The following CDH2 variants were observed in gnomAD, a reference collection of about 807,000 sequenced individuals.
The protein encoded by CDH2 is cadherin 2, also known as cadherin-2.
Under a neutral mutation model 92.0 loss-of-function variants are expected in CDH2, and 17 were observed. The ratio of observed to expected loss-of-function variants is 0.18; its 90% CI spans 0.13 to 0.28. The LOEUF is 0.28. Ranked by LOEUF, CDH2 falls within the 10% of genes least tolerant of loss-of-function variation. The pLI, the probability that CDH2 is intolerant of heterozygous loss-of-function variation, is 1.00. For missense variants in CDH2, 862 were observed against 1,133.1 expected, an observed-to-expected ratio of 0.76 and a Z score of 3.44; for synonymous variants, 419 against 415.9, an observed-to-expected ratio of 1.01 and a Z score of -0.09.
chr18:28,177,024 G>C lies in CDH2; in HGVS notation c.-2C>G. The C allele has an allele frequency of 6.7e-7, 1 of 1,487,230 alleles. No individual in the cohort carries two copies. Among genetic ancestry groups the C allele is most frequent in the South Asian group, 1.3e-5 (1 of 79,322 alleles). 92.1% of individuals were successfully genotyped at this position (1,487,230 alleles called of 1,614,324 possible). Reference sequence around the variant, plus strand: ...CAGCGCTCCCGCTATCCGGCACATGGAGGCGGAGAGGGGCCGAGCGAAGAG... The same window carrying C: ...CAGCGCTCCCGCTATCCGGCACATGCAGGCGGAGAGGGGCCGAGCGAAGAG... On this transcript the variant is annotated 5_prime_UTR_variant, in exon 1 of 16. Transcript: ENST00000269141.
intron 14 of CDH2, among the ~76,000 whole-genome samples, chr18:27,969,915 G>T (rs189114311): frequency 6.6e-6 from 1 of 152,148 alleles, no homozygotes; most frequent in Non-Finnish European, 1.5e-5. Flanking sequence ...CAGGAGAATC[G>T]CTAGAACCTG....
rs182073418 is a variant in CDH2 at position 27,972,920 on chromosome 18, G to T, written c.2350-9399C>A. 2.0e-5 allele frequency among the ~76,000 whole-genome samples: 3 copies of T among 152,328 alleles called. No individual in the cohort carries two copies. In the East Asian group the frequency reaches 5.8e-4, roughly 29 times the overall value. On this transcript the variant is annotated intron_variant, in intron 14 of 15. Transcript: ENST00000269141. The stretch of plus-strand genomic sequence containing the variant: ...CTGGGACTCTAAGACAAGATGTCTT[G>T]AGATGAATCTTGATGGCTAAACAGA...
At chr18:28,148,653 G>C (rs2016075054) in intron 1 of CDH2, among the ~76,000 whole-genome samples, 1 of 152,150 alleles carries the variant, frequency 6.6e-6, no homozygotes, top group Admixed American at 6.5e-5. Context: ...AGGACGAGTA[G>C]AATGAGGCTA....
rs745573480 is a variant in CDH2, at chr18:27,988,656, A to C, written c.1609T>G (p.Leu537Val). Reference sequence around the variant, plus strand: ...TTTAGCCAATTGGCAGGATCAGATAATTTAGTGTATCTACAAAATGAAAGT... The same window carrying C: ...TTTAGCCAATTGGCAGGATCAGATACTTTAGTGTATCTACAAAATGAAAGT... ...YMQQNIRYTK[L>V]SDPANWLKID... The change falls in exon 11 of 16, where the codon TTA becomes GTA. Residue 537 changes from leucine (L) to valine (V), a missense_variant. This residue lies in a region of CDH2 where 564 missense variants were observed against 722.2 expected (regional missense o/e 0.78). Coordinates refer to ENST00000269141, the MANE Select transcript of CDH2 (RefSeq NM_001792.5). 6.3e-7 allele frequency: 1 copy of C among 1,597,288 alleles called. No individual in the cohort carries two copies. Among genetic ancestry groups the C allele is most frequent in the Non-Finnish European group, 8.6e-7 (1 of 1,167,064 alleles).
intron 2 of CDH2, among the ~76,000 whole-genome samples, chr18:28,076,704 C>T (rs1021295200): frequency 1.8e-4 from 23 of 128,446 alleles, no homozygotes; most frequent in Admixed American, 8.4e-5. Flanking sequence ...CCCCACCCGA[C>T]GACAGGCCCC....
chr18:28,067,487 T>A (rs908820153), intron 2 of CDH2, among the ~76,000 whole-genome samples: 29 of 152,190 alleles, frequency 1.9e-4, no homozygotes, highest in African/African-American at 6.3e-4. Context: ...ATACAATATG[T>A]GGTCCTTTGT....
chr18:28,108,623 T>G (rs2015360592), intron 2 of CDH2, among the ~76,000 whole-genome samples: 1 of 152,248 alleles, frequency 6.6e-6, no homozygotes, highest in East Asian at 1.9e-4. Flanking sequence ...CAAAATGCAT[T>G]TGCGCATGCT....
At chr18:28,099,900 C>T (rs1173072681) in intron 2 of CDH2, among the ~76,000 whole-genome samples, 1 of 152,082 alleles carries the variant, frequency 6.6e-6, no homozygotes, top group African/African-American at 2.4e-5. Flanking sequence ...TACTATATTT[C>T]AGACAAACAT....
intron 14 of CDH2, among the ~76,000 whole-genome samples, chr18:27,982,730 G>T (rs1270842863): frequency 6.6e-6 from 1 of 150,758 alleles, no homozygotes; most frequent in Non-Finnish European, 1.5e-5. Flanking sequence ...TTGAAACAAG[G>T]TGTTTTTTTT....
chr18:28,094,284 C>A (rs370000152), intron 2 of CDH2, among the ~76,000 whole-genome samples: 1 of 151,592 alleles, frequency 6.6e-6, no homozygotes, highest in South Asian at 2.1e-4. Context: ...GCCAGGAGTT[C>A]GAGACCAGCC....
At position 28,103,123 on chromosome 18, in the gene CDH2, C is replaced by T. The variant is rs185718542; in HGVS notation, c.172+44550G>A. ...AAGTAATGTAAATAAAACACTTATG[C>T]CCAATTAATAAACTCCTTATATATA... is the stretch of plus-strand genomic sequence containing the variant. On this transcript the variant is annotated intron_variant, in intron 2 of 15. Coordinates refer to ENST00000269141, the MANE Select transcript of CDH2 (RefSeq NM_001792.5). Among the ~76,000 whole-genome samples the T allele has an allele frequency of 2.1e-3, 304 of 146,732 alleles. 2 individuals are homozygous for T. The highest frequency in any genetic ancestry group is 7.4e-3 in the African/African-American group (299 of 40,168).
intron 2 of CDH2, among the ~76,000 whole-genome samples, chr18:28,043,365 G>A (rs2013987049): frequency 6.7e-6 from 1 of 150,002 alleles, no homozygotes; most frequent in Non-Finnish European, 1.5e-5. Flanking sequence ...TACACTGCTT[G>A]GGTGACAGGT....
chr18:27,961,897 C>T (rs1298542463), intron 15 of CDH2, among the ~76,000 whole-genome samples: 3 of 151,888 alleles, frequency 2.0e-5, no homozygotes, highest in African/African-American at 7.3e-5. Context: ...CCCAAGAATT[C>T]AAGACCAGCC....
intron 2 of CDH2, among the ~76,000 whole-genome samples, chr18:28,056,092 A>G (rs1329303020): frequency 6.6e-6 from 1 of 151,804 alleles, no homozygotes; most frequent in Non-Finnish European, 1.5e-5. Context: ...TTTTTTTAAG[A>G]GAAAAAGAGT....
At position 27,982,732 on chromosome 18, in the gene CDH2, GT is replaced by G. The variant is rs147482796; in HGVS notation, c.2349+211del. On this transcript the variant is annotated intron_variant, in intron 14 of 15. Transcript: ENST00000269141. ...GGGTTTAAAGCCTTTGAAACAAGGT[GT>G]TTTTTTTTTTTTTACAAAATAAATA... Among the ~76,000 whole-genome samples, 448 of 136,390 alleles carry G rather than the reference GT, an allele frequency of 3.3e-3. 1 individual carries two copies. Among genetic ancestry groups the G allele is most frequent in the South Asian group, 4.2e-3 (18 of 4,274 alleles). 89.5% of individuals were successfully genotyped at this position (136,390 alleles called of 152,430 possible). A position where few individuals can be genotyped will look rare whatever the true frequency, so the allele number is the denominator to read the frequency against.
chr18:28,153,200 G>A (rs1462559491), intron 1 of CDH2, among the ~76,000 whole-genome samples: 1 of 152,092 alleles, frequency 6.6e-6, no homozygotes, highest in East Asian at 1.9e-4. Context: ...CAGGCAAAAG[G>A]TACAGCAGAA....
At chr18:28,076,337 T>C (rs937515210) in intron 2 of CDH2, among the ~76,000 whole-genome samples, 8 of 152,174 alleles carry the variant, frequency 5.3e-5, no homozygotes, top group African/African-American at 1.9e-4. Context: ...ATTTGCTAGC[T>C]GGATGTACTT....
intron 2 of CDH2, among the ~76,000 whole-genome samples, chr18:28,040,002 T>G (rs1385464997): frequency 2.0e-5 from 3 of 152,244 alleles, no homozygotes; most frequent in Non-Finnish European, 4.4e-5. Context: ...ACATCTCATT[T>G]TGACTAACTG....
chr18:28,118,519 A>T (rs551186909), intron 2 of CDH2, among the ~76,000 whole-genome samples: 1 of 152,040 alleles, frequency 6.6e-6, no homozygotes. Flanking sequence ...GGGTGAGCCA[A>T]GTGTTCTTTG....
Sources: gnomAD v4.1 joint callset for allele counts (sites outside exome capture counted in the v4.1 genomes callset) on GRCh38, gnomAD v4.1.1 for gene constraint, gnomAD v4.1.1 regional missense constraint, MANE v1.5 for transcripts, NCBI Gene and HGNC (gene_info 2026-07-23, HGNC 2026-07-21) for gene names.